CCDC85A: variants seen among roughly 807,000 people sequenced by gnomAD.
CCDC85A encodes coiled-coil domain containing 85A, also known as coiled-coil domain-containing protein 85A.
A neutral mutation model predicts 50.2 loss-of-function variants in CCDC85A; 38 were observed. The observed-to-expected ratio is 0.76, with a 90% CI of 0.58 to 0.99. The LOEUF (loss-of-function observed/expected upper bound fraction) is 0.99. Among genes scored for constraint, CCDC85A ranks in the 50% least tolerant of loss-of-function variants. The pLI, the probability that CCDC85A is intolerant of heterozygous loss-of-function variation, is 0.00. For missense variants in CCDC85A, 820 were observed against 742.0 expected (o/e 1.11, Z -1.22); for synonymous variants, 366 against 301.4 (o/e 1.21, Z -2.22).
intron 3 of CCDC85A, among the ~76,000 whole-genome samples, chr2:56,349,310 G>A (rs1435992757): frequency 6.6e-6 from 1 of 152,150 alleles, no homozygotes; most frequent in Non-Finnish European, 1.5e-5. Flanking sequence ...AAAGGAAAAA[G>A]GGTTTTATGT....
At position 56,275,993 on chromosome 2, in the gene CCDC85A, C is replaced by T. The variant is rs1156652819; in HGVS notation, c.1241-66886C>T. Among the ~76,000 whole-genome samples the T allele has an allele frequency of 3.3e-5, 5 of 152,254 alleles. No homozygotes were observed. In the East Asian group the frequency reaches 9.7e-4, roughly 29 times the overall value. On this transcript the variant is annotated intron_variant, in intron 2 of 5. Coordinates refer to ENST00000407595, the MANE Select transcript of CCDC85A (RefSeq NM_001080433.2). ...CTATGGGCTAGCCTCATGATGTTTC[C>T]TCACCCTCTATAAGTATCCTGTTTA...
intron 2 of CCDC85A, among the ~76,000 whole-genome samples, chr2:56,237,497 C>T (rs1053617598): frequency 6.6e-6 from 1 of 152,166 alleles, no homozygotes; most frequent in Non-Finnish European, 1.5e-5. Context: ...ACAATAATCG[C>T]CAGTGTATGG....
intron 2 of CCDC85A, among the ~76,000 whole-genome samples, chr2:56,225,297 A>G (rs1668496880): frequency 1.3e-5 from 2 of 152,130 alleles, no homozygotes; most frequent in African/African-American, 4.8e-5. Context: ...GTGGTGGTGC[A>G]TGCCTGTAAT....
chr2:56,310,997 G>T (rs1281671760), intron 2 of CCDC85A, among the ~76,000 whole-genome samples: 1 of 152,136 alleles, frequency 6.6e-6, no homozygotes, highest in Admixed American at 6.6e-5. Context: ...TATATAACGG[G>T]ACTTTTGATA....
chr2:56,372,258 A>G, intron 3 of CCDC85A, 86 bp from the exon 4 acceptor site: 2 of 1,362,160 alleles, frequency 1.5e-6, no homozygotes, highest in Non-Finnish European at 1.9e-6. Context: ...GGTTCATCTC[A>G]TTAAGCTTCA....
chr2:56,325,956 C>T (rs1426902515), intron 2 of CCDC85A, among the ~76,000 whole-genome samples: 1 of 152,060 alleles, frequency 6.6e-6, no homozygotes, highest in Non-Finnish European at 1.5e-5. Context: ...AGGCAAAATA[C>T]GGTTTTCATT....
At chr2:56,355,743 G>A (rs942995433) in intron 3 of CCDC85A, among the ~76,000 whole-genome samples, 3 of 152,182 alleles carry the variant, frequency 2.0e-5, no homozygotes, top group African/African-American at 7.2e-5. Flanking sequence ...ATTGAGAAAT[G>A]TACGGATTAC....
At chr2:56,283,808 T>C (rs1671309131) in intron 2 of CCDC85A, among the ~76,000 whole-genome samples, 1 of 152,174 alleles carries the variant, frequency 6.6e-6, no homozygotes, top group South Asian at 2.1e-4. Flanking sequence ...TCAATTTCAC[T>C]GATCTTTCCA....
chr2:56,372,384 C>G lies in CCDC85A; in HGVS notation c.1358C>G (p.Ser453Ter). Residue 453 changes from serine (S) to a stop codon, truncating the protein, a stop_gained, in exon 4 of 6, where the codon TCA becomes TGA. Coordinates refer to ENST00000407595, the MANE Select transcript of CCDC85A (RefSeq NM_001080433.2). LOFTEE classifies it high-confidence loss of function. ...NRRQPPTRNSSNMEKGWGSRA... is the reference protein window; with the variant it reads ...NRRQPPTRNS ...AGGCAACCTCCAACTAGAAACAGCT[C>G]AAATATGGAGAAAGGCTGGGGGTCC... 1 of 1,596,606 alleles carries G rather than the reference C, an allele frequency of 6.3e-7. No individual in the cohort carries two copies.
intron 2 of CCDC85A, among the ~76,000 whole-genome samples, chr2:56,336,508 A>C (rs150898344): frequency 1.7e-3 from 254 of 152,312 alleles, no homozygotes; most frequent in African/African-American, 5.8e-3. Flanking sequence ...GACCATTACC[A>C]GATTTTATTT....
intron 2 of CCDC85A, among the ~76,000 whole-genome samples, chr2:56,324,897 G>T (rs923310548): frequency 1.1e-4 from 17 of 151,770 alleles, no homozygotes; most frequent in African/African-American, 4.1e-4. Context: ...CATGGGACAT[G>T]GATTTAATAG....
intron 2 of CCDC85A, among the ~76,000 whole-genome samples, chr2:56,226,798 T>G (rs1668561315): frequency 6.6e-6 from 1 of 152,052 alleles, no homozygotes; most frequent in African/African-American, 2.4e-5. Context: ...AAATATCTCT[T>G]ACATTTCTGC....
chr2:56,260,834 GCTAA>G (rs1314783698), intron 2 of CCDC85A, among the ~76,000 whole-genome samples: 10 of 152,244 alleles, frequency 6.6e-5, no homozygotes, highest in South Asian at 6.2e-4. Flanking sequence ...CTATTTGTTG[GCTAA>G]CTGTCTTATT....
At chr2:56,249,887 C>T (rs1413820194) in intron 2 of CCDC85A, among the ~76,000 whole-genome samples, 1 of 152,132 alleles carries the variant, frequency 6.6e-6, no homozygotes, top group Non-Finnish European at 1.5e-5. Flanking sequence ...TTCTGTGTCC[C>T]ATTAAAATTT....
At chr2:56,234,617 C>G (rs1395507861) in intron 2 of CCDC85A, among the ~76,000 whole-genome samples, 1 of 152,180 alleles carries the variant, frequency 6.6e-6, no homozygotes, top group South Asian at 2.1e-4. Flanking sequence ...TATTTCACCT[C>G]AGTCACTAAT....
At chr2:56,220,673 C>T (rs916872754) in intron 2 of CCDC85A, among the ~76,000 whole-genome samples, 5 of 151,990 alleles carry the variant, frequency 3.3e-5, no homozygotes, top group East Asian at 1.9e-4. Flanking sequence ...AATGACGTTC[C>T]GGAAGATCAG....
intron 2 of CCDC85A, among the ~76,000 whole-genome samples, chr2:56,241,316 G>A (rs746499805): frequency 5.9e-5 from 9 of 151,996 alleles, no homozygotes; most frequent in Non-Finnish European, 1.2e-4. Flanking sequence ...TATCGTTTGT[G>A]TTACAAACAA....
intron 2 of CCDC85A, among the ~76,000 whole-genome samples, chr2:56,223,419 C>G (rs992997731): frequency 6.6e-6 from 1 of 152,126 alleles, no homozygotes; most frequent in Non-Finnish European, 1.5e-5. Context: ...ACACAGCCAC[C>G]AGGTTGAATT....
rs148672915 is a variant in CCDC85A, at chr2:56,258,714, A to G, written c.1240+65274A>G. On this transcript the variant is annotated intron_variant, in intron 2 of 5. Coordinates refer to ENST00000407595, the MANE Select transcript of CCDC85A (RefSeq NM_001080433.2). ...GAAAGTAGTTACCTCATAAAGTTAG[A>G]TCTTTGCAAAGGCAAGAGGGAAAGA... Among the ~76,000 whole-genome samples the G allele has an allele frequency of 2.7e-3, 406 of 152,350 alleles. 3 individuals carry two copies. The highest frequency in any genetic ancestry group is 9.2e-3 in the African/African-American group (381 of 41,576).
Sources: allele counts gnomAD v4.1 joint callset (sites outside exome capture counted in the v4.1 genomes callset), GRCh38; gene constraint gnomAD v4.1.1; transcripts MANE v1.5; gene names NCBI Gene and HGNC (gene_info 2026-07-23, HGNC 2026-07-21).